Variants in NDUFAF6 observed in about 807,000 individuals in gnomAD.
The protein encoded by NDUFAF6 is NADH:ubiquinone oxidoreductase complex assembly factor 6.
Under a neutral mutation model 40.8 loss-of-function variants are expected in NDUFAF6, and 45 were observed. The ratio of observed to expected loss-of-function variants is 1.10; its 90% CI spans 0.87 to 1.42. NDUFAF6 has a LOEUF of 1.42. Ranked by LOEUF, NDUFAF6 falls within the 40% of genes most tolerant of loss-of-function variation. The pLI, the probability that NDUFAF6 is intolerant of heterozygous loss-of-function variation, is 0.00. For missense variants in NDUFAF6, 435 were observed against 418.5 expected (o/e 1.04, Z -0.34); for synonymous variants, 185 against 155.9 (o/e 1.19, Z -1.39).
At chr8:94,925,550 T>C (rs1245510475) in intron 1 of NDUFAF6, among the ~76,000 whole-genome samples, 2 of 120,526 alleles carry the variant, frequency 1.7e-5, no homozygotes, top group East Asian at 2.2e-4. Flanking sequence ...AAAGAAATCC[T>C]TTTTTTTTTT....
At chr8:95,047,316 G>A (rs1339245207) in intron 6 of NDUFAF6, among the ~76,000 whole-genome samples, 189 bp downstream of exon 6, 1 of 152,076 alleles carries the variant, frequency 6.6e-6, no homozygotes, top group Non-Finnish European at 1.5e-5. Flanking sequence ...GGCATTTTAG[G>A]TCTCTGGAGG....
chr8:95,066,023 A>G (rs1047447361), intron 9 of NDUFAF6, among the ~76,000 whole-genome samples: 2 of 152,208 alleles, frequency 1.3e-5, no homozygotes, highest in Non-Finnish European at 2.9e-5. Context: ...GCATCCACAG[A>G]TGGTTGTCCA....
chr8:95,038,932 G>A (rs1829824898), intron 3 of NDUFAF6, among the ~76,000 whole-genome samples: 1 of 150,376 alleles, frequency 6.6e-6, no homozygotes, highest in South Asian at 2.1e-4. Context: ...GCCTCCCAAA[G>A]TGCTGGGATT....
downstream of NDUFAF6, among the ~76,000 whole-genome samples, chr8:95,061,503 G>C (rs1043109919): frequency 6.6e-6 from 1 of 152,120 alleles, no homozygotes; most frequent in African/African-American, 2.4e-5. Context: ...TCAGAAGGAG[G>C]GGAGAAGAGT....
intron 1 of NDUFAF6, among the ~76,000 whole-genome samples, chr8:94,931,580 T>G (rs571392745): frequency 1.1e-5 from 1 of 90,798 alleles, no homozygotes; most frequent in African/African-American, 4.6e-5. Context: ...GAAACACACA[T>G]ATTTATTACA....
At chr8:95,041,755 A>G in intron 4 of NDUFAF6, 129 bp downstream of exon 4, 5 of 796,118 alleles carry the variant, frequency 6.3e-6, no homozygotes, top group Non-Finnish European at 1.1e-5. Flanking sequence ...GAATTATGCC[A>G]TTTTATTCAT....
At chr8:95,097,566 G>T (rs1230178503), upstream of NDUFAF6, among the ~76,000 whole-genome samples, 1 of 152,194 alleles carries the variant, frequency 6.6e-6, no homozygotes, top group Non-Finnish European at 1.5e-5. Context: ...GGGCATGGTG[G>T]CATGTGCCTG....
At chr8:95,004,349 CTTTT>C (rs11422482) in intron 2 of NDUFAF6, among the ~76,000 whole-genome samples, 36 of 92,414 alleles carry the variant, frequency 3.9e-4, no homozygotes, top group African/African-American at 1.6e-3. Context: ...CTCACCATTA[CTTTT>C]TTTTTTTTTT....
At chr8:95,102,472 C>T (rs1809679864) in intron 2 of NDUFAF6, among the ~76,000 whole-genome samples, 1 of 152,194 alleles carries the variant, frequency 6.6e-6, no homozygotes, top group South Asian at 2.1e-4. Flanking sequence ...CCACTCCTGA[C>T]CCCCTGGGTT....
At chr8:94,898,096 C>T (rs567138091) in intron 1 of NDUFAF6, among the ~76,000 whole-genome samples, 65 of 152,276 alleles carry the variant, frequency 4.3e-4, no homozygotes, top group Admixed American at 1.4e-3. Flanking sequence ...CTTCCATATA[C>T]TCACTCCCCT....
chr8:94,928,191 A>T (rs1307619445), intron 1 of NDUFAF6: 1 of 151,882 alleles, frequency 6.6e-6, no homozygotes, highest in Non-Finnish European at 1.5e-5. Flanking sequence ...GGTACAAAGC[A>T]TAAAAAACTA....
chr8:95,060,775 T>A (rs28689567), downstream of NDUFAF6, among the ~76,000 whole-genome samples: 2 of 152,244 alleles, frequency 1.3e-5, no homozygotes, highest in African/African-American at 4.8e-5. Context: ...CTGCCAAGTT[T>A]AAAAGCTCAA....
intron 1 of NDUFAF6, among the ~76,000 whole-genome samples, chr8:94,912,640 A>AC (rs1490915559): frequency 6.6e-6 from 1 of 151,944 alleles, no homozygotes; most frequent in Non-Finnish European, 1.5e-5. Flanking sequence ...ACTAAAAAAA[A>AC]AAAAGAAAGA....
At chr8:94,917,376 G>A (rs1006956637) in intron 1 of NDUFAF6, among the ~76,000 whole-genome samples, 2 of 152,146 alleles carry the variant, frequency 1.3e-5, no homozygotes, top group Non-Finnish European at 2.9e-5. Context: ...CACAAGTACT[G>A]CTGTGGAATA....
At chr8:94,981,920 C>G (rs1304212927) in intron 2 of NDUFAF6, among the ~76,000 whole-genome samples, 1 of 148,336 alleles carries the variant, frequency 6.7e-6, no homozygotes, top group Non-Finnish European at 1.5e-5. Flanking sequence ...AGAGTGAGAC[C>G]CTGTCTCAAA....
intron 2 of NDUFAF6, among the ~76,000 whole-genome samples, chr8:95,082,721 G>A (rs372730350): frequency 6.6e-6 from 1 of 151,828 alleles, no homozygotes; most frequent in African/African-American, 2.4e-5. Context: ...GTGCAGTGGC[G>A]GGATCTCGGC....
upstream of NDUFAF6, among the ~76,000 whole-genome samples, chr8:94,953,371 A>C (rs1236178573): frequency 5.9e-5 from 9 of 151,706 alleles, 1 homozygote; most frequent in Admixed American, 3.9e-4. Flanking sequence ...CAAAAAAAAA[A>C]CCTTTGAGCA....
At chr8:94,977,227 A>T (rs1169651188) in intron 1 of NDUFAF6, among the ~76,000 whole-genome samples, 1 of 151,584 alleles carries the variant, frequency 6.6e-6, no homozygotes, top group Non-Finnish European at 1.5e-5. Context: ...AAATATTGAT[A>T]TGGGCCGGGT....
At chr8:95,010,546 T>C (rs145417863) in intron 2 of NDUFAF6, among the ~76,000 whole-genome samples, 1 of 152,362 alleles carries the variant, frequency 6.6e-6, no homozygotes, top group East Asian at 1.9e-4. Context: ...GTTTCCCCCC[T>C]TTCTTTCTCT....
Sources: gnomAD v4.1 joint callset for allele counts (sites outside exome capture counted in the v4.1 genomes callset) on GRCh38, gnomAD v4.1.1 for gene constraint, MANE v1.5 for transcripts, NCBI Gene and HGNC (gene_info 2026-07-23, HGNC 2026-07-21) for gene names.